The following KATNAL1 variants were observed in gnomAD, a reference collection of about 807,000 sequenced individuals.
KATNAL1 encodes katanin catalytic subunit A1 like 1.
KATNAL1 carries 32 observed loss-of-function variants against 55.2 expected under a neutral mutation model. That is an observed-to-expected ratio of 0.58 (90% CI 0.44 to 0.78). The LOEUF is 0.78. Ranked by LOEUF, KATNAL1 falls within the 30% of genes least tolerant of loss-of-function variation. KATNAL1 has a pLI of 0.00. For synonymous variants in KATNAL1, 193 were observed against 193.6 expected, an observed-to-expected ratio of 1.00 and a Z score of 0.02; for missense variants, 466 against 600.9, an observed-to-expected ratio of 0.78 and a Z score of 2.35.
At chr13:30,258,681 T>G (rs989840777) in intron 3 of KATNAL1, among the ~76,000 whole-genome samples, 1 of 152,228 alleles carries the variant, frequency 6.6e-6, no homozygotes, top group African/African-American at 2.4e-5. Flanking sequence ...AAGTTTTACT[T>G]TATTACTTTT....
intron 4 of KATNAL1, among the ~76,000 whole-genome samples, chr13:30,243,068 A>G (rs78123918): frequency 6.6e-6 from 1 of 152,194 alleles, no homozygotes; most frequent in Admixed American, 6.6e-5. Flanking sequence ...ACTAACTGCA[A>G]TGTCACTGAA....
At chr13:30,237,313 A>C (rs1022581573) in intron 6 of KATNAL1, among the ~76,000 whole-genome samples, 5 of 152,322 alleles carry the variant, frequency 3.3e-5, no homozygotes, top group Non-Finnish European at 5.9e-5. Context: ...AATCACATAT[A>C]AATCCTCAAG....
chr13:30,267,118 C>T (rs1314441319), intron 3 of KATNAL1, among the ~76,000 whole-genome samples: 1 of 152,184 alleles, frequency 6.6e-6, no homozygotes, highest in African/African-American at 2.4e-5. Flanking sequence ...TTAATCACTG[C>T]CTGTATCTTG....
chr13:30,252,965 T>C (rs940294425), intron 4 of KATNAL1, among the ~76,000 whole-genome samples: 17 of 152,164 alleles, frequency 1.1e-4, no homozygotes, highest in Non-Finnish European at 2.4e-4. Flanking sequence ...CAGGCTGGTC[T>C]TGAACTCCTG....
rs76069877 is a variant in KATNAL1 at position 30,275,887 on chromosome 13, A to G, written c.323+4176T>C. Among the ~76,000 whole-genome samples the G allele has an allele frequency of 8.7e-3, 1,322 of 152,292 alleles. 31 individuals are homozygous for G. In the East Asian group the frequency reaches 0.1, roughly 12 times the overall value. On this transcript the variant is annotated intron_variant, in intron 3 of 10. Coordinates refer to ENST00000380615, the MANE Select transcript of KATNAL1 (RefSeq NM_032116.5). The stretch of plus-strand genomic sequence containing the variant: ...AAGTTGGGGGAAAAAAGGACCTACC[A>G]TATTTATTTTTTAAGCTAAATAAAG...
In KATNAL1 at chr13:30,229,742, C is replaced by T. The variant is rs1246609271; in HGVS notation, c.1012+726G>A. On this transcript the variant is annotated intron_variant, in intron 8 of 10. Coordinates refer to ENST00000380615, the MANE Select transcript of KATNAL1 (RefSeq NM_032116.5). ...CTTAAACAAAAAAAATTATTGAGAA[C>T]CCCAAAGAGCTTTTTTGTGTGTGGA... Among the ~76,000 whole-genome samples the T allele has an allele frequency of 2.0e-5, 3 of 151,936 alleles. No homozygotes were observed. The East Asian group carries it at 5.8e-4, about 29-fold the overall frequency.
chr13:30,296,274 A>T, intron 1 of KATNAL1: 2 of 1,198,578 alleles, frequency 1.7e-6, no homozygotes, highest in Non-Finnish European at 2.3e-6. Context: ...CTCTTTTTCT[A>T]CCCTCTGGAC....
chr13:30,274,590 C>G (rs950387742), intron 3 of KATNAL1, among the ~76,000 whole-genome samples: 4 of 152,126 alleles, frequency 2.6e-5, no homozygotes, highest in Non-Finnish European at 5.9e-5. Flanking sequence ...CTACCTCTCC[C>G]AAAAGATGTA....
In KATNAL1 at chr13:30,241,056, C is replaced by G; in HGVS notation, c.523G>C (p.Asp175His). The change falls in exon 5 of 11, where the codon GAT (aspartate) becomes CAT (histidine). Residue 175 changes from aspartate (D) to histidine (H), a missense_variant. Asp to His is a moderately conservative substitution (Grantham distance 81). Transcript: ENST00000380615. ...CCATCAAATTTTGGCATTTCACCAT[C>G]ACTTGCACCATCTTGCATATTCTTC... ...GRKNMQDGAS[D>H]GEMPKFDGAG... The G allele has an allele frequency of 6.2e-7, 1 of 1,613,528 alleles. No homozygotes were observed. Among genetic ancestry groups the G allele is most frequent in the Non-Finnish European group, 8.5e-7 (1 of 1,179,800 alleles).
At chr13:30,256,157 C>T (rs1233482762) in intron 3 of KATNAL1, among the ~76,000 whole-genome samples, 1 of 152,148 alleles carries the variant, frequency 6.6e-6, no homozygotes, top group Non-Finnish European at 1.5e-5. Flanking sequence ...ATGAAATCTT[C>T]TTTAAGTAAT....
chr13:30,282,651 AAAAG>A (rs199901099), intron 2 of KATNAL1, among the ~76,000 whole-genome samples: 4,309 of 150,842 alleles, frequency 0.029, 70 homozygotes, highest in Non-Finnish European at 0.044. Flanking sequence ...AAAAAAAAAA[AAAAG>A]AAAGAAAGAA....
chr13:30,256,231 G>C (rs1241405633), intron 3 of KATNAL1, among the ~76,000 whole-genome samples: 1 of 152,112 alleles, frequency 6.6e-6, no homozygotes, highest in African/African-American at 2.4e-5. Flanking sequence ...AAATTATACA[G>C]TCCTCCAAAT....
At chr13:30,241,135 G>A (rs1276447722) in intron 4 of KATNAL1, 49 bp from the exon 5 acceptor site, 1 of 1,489,206 alleles carries the variant, frequency 6.7e-7, no homozygotes. Flanking sequence ...GGATAATTTA[G>A]TTAACATCAT....
chr13:30,257,058 T>C (rs1019168700), intron 3 of KATNAL1, among the ~76,000 whole-genome samples: 4 of 152,224 alleles, frequency 2.6e-5, no homozygotes, highest in African/African-American at 4.8e-5. Flanking sequence ...AGGACATTAG[T>C]AGTCTTTTAA....
chr13:30,302,381 A>G (rs1882909752), intron 1 of KATNAL1, among the ~76,000 whole-genome samples: 1 of 152,216 alleles, frequency 6.6e-6, no homozygotes, highest in African/African-American at 2.4e-5. Context: ...ATACAAGTAT[A>G]AAAATATCAG....
intron 1 of KATNAL1, among the ~76,000 whole-genome samples, chr13:30,286,769 G>A (rs1188960051): frequency 6.6e-6 from 1 of 152,230 alleles, no homozygotes; most frequent in Non-Finnish European, 1.5e-5. Flanking sequence ...CTCAAGGTCA[G>A]CTGTGAAAGC....
At chr13:30,239,326 CTTG>C (rs1877011726) in intron 6 of KATNAL1, among the ~76,000 whole-genome samples, 1 of 152,084 alleles carries the variant, frequency 6.6e-6, no homozygotes, top group Admixed American at 6.6e-5. Flanking sequence ...ACAAGAATTG[CTTG>C]AACCCAGGAG....
At chr13:30,287,813 A>T (rs1254643398) in intron 1 of KATNAL1, among the ~76,000 whole-genome samples, 1 of 152,240 alleles carries the variant, frequency 6.6e-6, no homozygotes, top group Non-Finnish European at 1.5e-5. Flanking sequence ...ATAAAAGATA[A>T]AAATATCCTG....
intron 10 of KATNAL1, among the ~76,000 whole-genome samples, chr13:30,209,553 C>T (rs1306717865): frequency 2.0e-5 from 3 of 152,184 alleles, no homozygotes; most frequent in Non-Finnish European, 4.4e-5. Context: ...AAAAAAATAA[C>T]TGCAGTGACA....
Sources: allele counts gnomAD v4.1 joint callset (sites outside exome capture counted in the v4.1 genomes callset), GRCh38; gene constraint gnomAD v4.1.1; transcripts MANE v1.5; gene names NCBI Gene and HGNC (gene_info 2026-07-23, HGNC 2026-07-21).